Variants in DYNC1H1 observed in about 807,000 individuals in gnomAD.
DYNC1H1 encodes the protein cytoplasmic dynein 1 heavy chain 1.
In DYNC1H1, 51 loss-of-function variants were observed where a neutral mutation model predicts 527.1. That is an observed-to-expected ratio of 0.10 (90% CI 0.08 to 0.12). DYNC1H1 has a LOEUF of 0.12. Among genes scored for constraint, DYNC1H1 ranks in the 10% least tolerant of loss-of-function variants. The pLI is 1.00. For missense variants in DYNC1H1, 2,771 were observed against 5,971.8 expected (o/e 0.46, Z 17.66); for synonymous variants, 2,189 against 2,278.8 (o/e 0.96, Z 1.12).
In DYNC1H1 at chr14:102,044,057, C is replaced by T. The variant is rs2048684752; in HGVS notation, c.12684+12C>T. 1 of 1,613,052 alleles carries T rather than the reference C, an allele frequency of 6.2e-7. No homozygotes were observed. Among genetic ancestry groups the T allele is most frequent in the Admixed American group, 1.7e-5 (1 of 59,986 alleles). ...ATGACACGGCCAAGGCAAGTGTGGG[C>T]CATGCCAGGACAGACAGTGGACGTG... is the stretch of plus-strand genomic sequence containing the variant. On this transcript the variant is annotated intron_variant, in intron 70 of 77. Transcript: ENST00000360184. The surrounding 1 kb of genome is among the most constrained non-coding windows in gnomAD (Gnocchi z 7.1).
chr14:102,047,723 C>A, intron 72 of DYNC1H1, 94 bp from the exon 73 acceptor site: 1 of 1,509,078 alleles, frequency 6.6e-7, no homozygotes, highest in Non-Finnish European at 9.1e-7. Context: ...GACTCACTCA[C>A]CATGTGGCCT....
chr14:101,978,059 TTTTC>T (rs2047821918), intron 2 of DYNC1H1, among the ~76,000 whole-genome samples: 1 of 152,110 alleles, frequency 6.6e-6, no homozygotes, highest in Non-Finnish European at 1.5e-5. Context: ...GCTAATTTTT[TTTTC>T]TTTCTTCTTG....
rs1413495847 is a variant in DYNC1H1, at chr14:102,052,818, C to T, written c.*2255C>T. ...TTCCAGGGACACGGGCCCAGCTGGC[C>T]ACTTCTATGACAAGAATGTGGGTTT... On this transcript the variant is annotated 3_prime_UTR_variant, in exon 78 of 78. Coordinates refer to ENST00000360184, the MANE Select transcript of DYNC1H1 (RefSeq NM_001376.5). 5.9e-5 allele frequency: 9 copies of T among 152,250 alleles called. No homozygotes were observed. In the East Asian group the frequency reaches 1.7e-3, roughly 29 times the overall value. 9.4% of individuals were successfully genotyped at this position (152,250 alleles called of 1,614,324 possible). A position where few individuals can be genotyped will look rare whatever the true frequency, so the allele number is the denominator to read the frequency against.
intron 4 of DYNC1H1, 142 bp downstream of exon 4, chr14:101,980,116 C>A: frequency 7.4e-7 from 1 of 1,346,806 alleles, no homozygotes; most frequent in Non-Finnish European, 1.0e-6. Context: ...CTGTCCAGTG[C>A]AGGACTAGCC....
In DYNC1H1 at chr14:101,991,716, T is replaced by A. The variant is rs2048000206; in HGVS notation, c.3015+43T>A. ...CGAGGCACACGCCTCTGACCAGGAC[T>A]CTCATGGGCTCTGTGATACCACTTC... On this transcript the variant is annotated intron_variant, in intron 11 of 77. Coordinates refer to ENST00000360184, the MANE Select transcript of DYNC1H1 (RefSeq NM_001376.5). 2.5e-6 allele frequency: 4 copies of A among 1,612,870 alleles called. No homozygotes were observed. In the South Asian group the frequency reaches 3.3e-5, roughly 13 times the overall value.
At chr14:102,019,063 AAG>A (rs1262817434) in intron 41 of DYNC1H1, among the ~76,000 whole-genome samples, 1 of 152,236 alleles carries the variant, frequency 6.6e-6, no homozygotes, top group African/African-American at 2.4e-5. Flanking sequence ...TGCAGGTGCT[AAG>A]ACTGCTGACA....
intron 15 of DYNC1H1, among the ~76,000 whole-genome samples, chr14:101,996,625 G>C (rs1476102426): frequency 6.6e-6 from 1 of 151,736 alleles, no homozygotes; most frequent in Non-Finnish European, 1.5e-5. Flanking sequence ...TTGATCTTCT[G>C]TGTTTTGTTT....
chr14:101,978,043 C>T (rs928351000), intron 2 of DYNC1H1, among the ~76,000 whole-genome samples: 22 of 152,248 alleles, frequency 1.4e-4, no homozygotes, highest in African/African-American at 5.3e-4. Flanking sequence ...CCTGCCACCA[C>T]ACCTGGCTAA....
chr14:102,003,432 T>C (rs2048154832), intron 23 of DYNC1H1, among the ~76,000 whole-genome samples: 1 of 152,020 alleles, frequency 6.6e-6, no homozygotes, highest in Non-Finnish European at 1.5e-5. Context: ...CGGCTAATTT[T>C]TATATTTTTA....
chr14:102,015,810 C>T lies in DYNC1H1; in HGVS notation c.7243-46C>T. On this transcript the variant is annotated intron_variant, in intron 35 of 77. Coordinates refer to ENST00000360184, the MANE Select transcript of DYNC1H1 (RefSeq NM_001376.5). The surrounding 1 kb of genome is among the most constrained non-coding windows in gnomAD (Gnocchi z 6.9). ...ACCAGGTTAGAATCGATGAAACTCG[C>T]CTGCCTTTTGAAAGATAGTTAAGTA... 6.2e-7 allele frequency: 1 copy of T among 1,604,504 alleles called. No individual in the cohort carries two copies. The highest frequency in any genetic ancestry group is 8.5e-7 in the Non-Finnish European group (1 of 1,173,816).
At chr14:101,988,672 A>G in intron 9 of DYNC1H1, 31 bp from the exon 10 acceptor site, 1 of 1,613,980 alleles carries the variant, frequency 6.2e-7, no homozygotes, top group Non-Finnish European at 8.5e-7. Context: ...TTTAGAAGAA[A>G]CACTGTTCTC....
chr14:102,029,964 G>GT lies in DYNC1H1; in HGVS notation c.9762+27dup. On this transcript the variant is annotated intron_variant, in intron 50 of 77. Transcript: ENST00000360184. This position sits in a 1 kb window ranked among gnomAD's most constrained non-coding sequence, Gnocchi z 5.3. ...GTATGGTGTCAGGGAATTCTGGCCT[G>GT]TAAGGACTGAGCATTTTCAGTCTCC... The GT allele has an allele frequency of 3.1e-6, 5 of 1,614,080 alleles. No homozygotes were observed. The highest frequency in any genetic ancestry group is 4.2e-6 in the Non-Finnish European group (5 of 1,180,014).
Position 102,012,201 on chromosome 14 carries a change from TCAAC to T in DYNC1H1, c.6857+92_6857+95del, listed in dbSNP as rs1288865244. 6.2e-7 allele frequency: 1 copy of T among 1,611,620 alleles called. No homozygotes were observed. The highest frequency in any genetic ancestry group is 1.3e-5 in the African/African-American group (1 of 74,874). On this transcript the variant is annotated intron_variant, in intron 33 of 77. Coordinates refer to ENST00000360184, the MANE Select transcript of DYNC1H1 (RefSeq NM_001376.5). The surrounding 1 kb of genome is among the most constrained non-coding windows in gnomAD (Gnocchi z 4.9). ...ACAAGAGCAGAGTATACGTTATTTT[TCAAC>T]CAAAGTCTGAGCAAATTAAAGGTCA...
At chr14:101,969,862 C>T (rs1292108776) in intron 1 of DYNC1H1, among the ~76,000 whole-genome samples, 3 of 152,204 alleles carry the variant, frequency 2.0e-5, no homozygotes, top group East Asian at 1.9e-4. Context: ...GTGTCAGCAT[C>T]GGAGCATGTC....
Position 102,011,442 on chromosome 14 carries a change from G to T in DYNC1H1, c.6619-433G>T. 2.9e-6 allele frequency: 1 copy of T among 341,444 alleles called. No homozygotes were observed. Among genetic ancestry groups the T allele is most frequent in the South Asian group, 2.4e-5 (1 of 41,798 alleles). The allele number at this position is 341,444 out of a possible 1,614,324, so 21.2% of individuals were successfully genotyped here. On this transcript the variant is annotated intron_variant, in intron 32 of 77. Coordinates refer to ENST00000360184, the MANE Select transcript of DYNC1H1 (RefSeq NM_001376.5). The surrounding 1 kb of genome is among the most constrained non-coding windows in gnomAD (Gnocchi z 5.3). ...ATCCATTGGGTCTCTTGTTGTCCTCGGCGGGATCTGATGTGTCCTTGTTGA... is the reference window on the plus strand; with the variant it reads ...ATCCATTGGGTCTCTTGTTGTCCTCTGCGGGATCTGATGTGTCCTTGTTGA...
At chr14:101,973,573 A>G (rs1162508038) in intron 1 of DYNC1H1, among the ~76,000 whole-genome samples, 3 of 152,198 alleles carry the variant, frequency 2.0e-5, no homozygotes, top group Non-Finnish European at 2.9e-5. Flanking sequence ...AGGCCGAGGC[A>G]TGAGGATCTC....
rs1444213016 is a variant in DYNC1H1, at chr14:101,984,445, AT to A, written c.1461+838del. On this transcript the variant is annotated intron_variant, in intron 7 of 77. Transcript: ENST00000360184. ...TGTGTGTGTGTGTATATATATATAT[AT>A]TATATTTTTTTTTTTTTTTTTTTTT... 2.4e-4 allele frequency among the ~76,000 whole-genome samples: 22 copies of A among 92,872 alleles called. 1 individual carries two copies. The highest frequency in any genetic ancestry group is 1.3e-3 in the African/African-American group (22 of 17,204). 60.9% of individuals were successfully genotyped at this position (92,872 alleles called of 152,430 possible). A position where few individuals can be genotyped will look rare whatever the true frequency, so the allele number is the denominator to read the frequency against.
chr14:102,001,380 T>C lies in DYNC1H1; in HGVS notation c.4395+26T>C. 1 of 1,613,968 alleles carries C rather than the reference T, an allele frequency of 6.2e-7. No individual in the cohort carries two copies. Among genetic ancestry groups the C allele is most frequent in the Non-Finnish European group, 8.5e-7 (1 of 1,179,920 alleles). On this transcript the variant is annotated intron_variant, in intron 20 of 77. Coordinates refer to ENST00000360184, the MANE Select transcript of DYNC1H1 (RefSeq NM_001376.5). The surrounding 1 kb of genome is among the most constrained non-coding windows in gnomAD (Gnocchi z 5.0). ...GCGAGTAATAGGACTGAACGGCTGC[T>C]TTACGTTGTGTTTCGGGCTGTTACA...
intron 11 of DYNC1H1, 118 bp downstream of exon 11, chr14:101,991,791 A>G (rs112184949): frequency 2.8e-6 from 4 of 1,447,886 alleles, no homozygotes; most frequent in Non-Finnish European, 3.8e-6. Flanking sequence ...CAAACTCCAG[A>G]CATCCCAGGG....
Sources: gnomAD v4.1 joint callset for allele counts (sites outside exome capture counted in the v4.1 genomes callset) on GRCh38, gnomAD v4.1.1 for gene constraint, Gnocchi (gnomAD v3.1) non-coding constraint, MANE v1.5 for transcripts, NCBI Gene and HGNC (gene_info 2026-07-23, HGNC 2026-07-21) for gene names.